The following DRC1 variants were observed in gnomAD, a reference collection of about 807,000 sequenced individuals.
DRC1 encodes dynein regulatory complex protein 1.
A neutral mutation model predicts 98.7 loss-of-function variants in DRC1; 74 were observed. That is an observed-to-expected ratio of 0.75 (90% CI 0.62 to 0.91). DRC1 has a LOEUF of 0.91. Among genes scored for constraint, DRC1 ranks in the 40% least tolerant of loss-of-function variants. The probability of loss-of-function intolerance (pLI) is 0.00; values close to 1 mark genes in which losing one functional copy is unlikely to be tolerated. For synonymous variants in DRC1, 336 were observed against 334.1 expected (o/e 1.01, Z -0.06); for missense variants, 875 against 886.0 (o/e 0.99, Z 0.16).
At position 26,453,417 on chromosome 2, in the gene DRC1, G is replaced by T. The variant is rs531953189; in HGVS notation, c.1787G>T (p.Gly596Val). Residue 596 changes from glycine to valine, a missense_variant, in exon 14 of 17, where the codon GGA (glycine) becomes GTA (valine). Coordinates refer to ENST00000288710, the MANE Select transcript of DRC1 (RefSeq NM_145038.5). ...LELAEQTEME[G>V]EKEESLVEGE... Reference sequence around the variant, plus strand: ...CTGGCAGAGCAGACGGAGATGGAGGGAGAAAAGGAAGAAAGCCTGGTGGAA... The same window carrying T: ...CTGGCAGAGCAGACGGAGATGGAGGTAGAAAAGGAAGAAAGCCTGGTGGAA... The T allele has an allele frequency of 5.6e-6, 9 of 1,614,198 alleles. No individual in the cohort carries two copies. The East Asian group carries it at 1.8e-4, about 32-fold the overall frequency.
At chr2:26,428,117 T>C (rs2147989710) in intron 4 of DRC1, among the ~76,000 whole-genome samples, 1 of 152,378 alleles carries the variant, frequency 6.6e-6, no homozygotes, top group Non-Finnish European at 1.5e-5. Flanking sequence ...TTTTTCTGCA[T>C]ATAAGATCAT....
intron 14 of DRC1, 26 bp downstream of exon 14, chr2:26,453,575 C>A (rs1379628844): frequency 6.2e-7 from 1 of 1,603,074 alleles, no homozygotes; most frequent in Admixed American, 1.7e-5. Context: ...GGAAGGCTTG[C>A]CTGAGACCAG....
At chr2:26,416,433 C>G (rs1489021127) in intron 2 of DRC1, among the ~76,000 whole-genome samples, 1 of 152,152 alleles carries the variant, frequency 6.6e-6, no homozygotes, top group Admixed American at 6.5e-5. Flanking sequence ...AGCCACCGTG[C>G]CCGGCCTTAC....
At chr2:26,406,846 C>G (rs1266291723) in intron 1 of DRC1, among the ~76,000 whole-genome samples, 3 of 110,910 alleles carry the variant, frequency 2.7e-5, no homozygotes, top group Non-Finnish European at 5.1e-5. Context: ...GAGACAGGGT[C>G]TCACTCTGTC....
At chr2:26,435,699 G>A (rs779984438) in intron 7 of DRC1, among the ~76,000 whole-genome samples, 1 of 151,456 alleles carries the variant, frequency 6.6e-6, no homozygotes, top group Non-Finnish European at 1.5e-5. Context: ...AGTTTGCTTA[G>A]GATAATAGCC....
chr2:26,420,769 T>C (rs1663117679), intron 2 of DRC1, among the ~76,000 whole-genome samples: 1 of 151,158 alleles, frequency 6.6e-6, no homozygotes, highest in African/African-American at 2.4e-5. Flanking sequence ...TCTTCTTCTT[T>C]TTTTTTTTTT....
intron 10 of DRC1, among the ~76,000 whole-genome samples, chr2:26,446,802 T>G (rs1663863108): frequency 6.6e-6 from 1 of 152,074 alleles, no homozygotes. Flanking sequence ...TATTTTAAAG[T>G]CACCTGGAGC....
At chr2:26,422,967 C>G (rs1004487180) in intron 3 of DRC1, among the ~76,000 whole-genome samples, 1 of 150,692 alleles carries the variant, frequency 6.6e-6, no homozygotes, top group African/African-American at 2.4e-5. Flanking sequence ...TTTGTCTCAT[C>G]ATATACACAC....
chr2:26,424,090 A>T (rs972853435), intron 3 of DRC1, among the ~76,000 whole-genome samples, 181 bp from the exon 4 acceptor site: 3 of 152,140 alleles, frequency 2.0e-5, no homozygotes, highest in Non-Finnish European at 4.4e-5. Context: ...GGCCTAAGTT[A>T]TTTACAGTCA....
At chr2:26,416,367 C>T (rs891238224) in intron 2 of DRC1, among the ~76,000 whole-genome samples, 1 of 152,124 alleles carries the variant, frequency 6.6e-6, no homozygotes, top group African/African-American at 2.4e-5. Context: ...GTCTTGATCT[C>T]TTGACCCAGT....
At chr2:26,405,205 C>A (rs984590856) in intron 1 of DRC1, among the ~76,000 whole-genome samples, 1 of 152,142 alleles carries the variant, frequency 6.6e-6, no homozygotes, top group East Asian at 1.9e-4. Context: ...TTGGTGAGCA[C>A]CTATGAGTTG....
At chr2:26,440,543 C>A in intron 8 of DRC1, 26 bp downstream of exon 8, 1 of 1,600,222 alleles carries the variant, frequency 6.2e-7, no homozygotes, top group Non-Finnish European at 8.5e-7. Context: ...GAGCGTCTTT[C>A]TTCTGGGCCT....
chr2:26,405,653 CTTTTTTTTTTTTT>C (rs10601492), intron 1 of DRC1, among the ~76,000 whole-genome samples: 1 of 53,564 alleles, frequency 1.9e-5, no homozygotes, highest in Non-Finnish European at 3.3e-5. Context: ...AAGGCTATAT[CTTTTTTTTTTTTT>C]TTTTTTTTTT....
chr2:26,434,304 AT>A (rs1663512268), intron 7 of DRC1, among the ~76,000 whole-genome samples: 1 of 152,314 alleles, frequency 6.6e-6, no homozygotes, highest in East Asian at 1.9e-4. Context: ...GCCTGTAAAC[AT>A]TGTGTACTTA....
chr2:26,404,054 C>T (rs1417270469), intron 1 of DRC1, among the ~76,000 whole-genome samples: 8 of 150,266 alleles, frequency 5.3e-5, no homozygotes, highest in African/African-American at 1.5e-4. Context: ...GAGCTGAGAT[C>T]GTGCCATTGC....
chr2:26,454,892 G>T lies in DRC1; in HGVS notation c.2063+102G>T. ...TGCCTCCCTGTCCCACTGAACCTGG[G>T]AGGGAAGAGCTGCCCTTGGCATCTC... On this transcript the variant is annotated intron_variant, in intron 15 of 16. Transcript: ENST00000288710. This position sits in a 1 kb window ranked among gnomAD's most constrained non-coding sequence, Gnocchi z 5.2. The T allele has an allele frequency of 6.4e-7, 1 of 1,570,340 alleles. No individual in the cohort carries two copies. The highest frequency in any genetic ancestry group is 2.2e-5 in the East Asian group (1 of 44,532).
intron 4 of DRC1, 89 bp downstream of exon 4, chr2:26,424,543 T>A: frequency 7.6e-7 from 1 of 1,314,564 alleles, no homozygotes; most frequent in East Asian, 2.4e-5. Context: ...AATGGAAAAA[T>A]GTAGAAACCT....
intron 7 of DRC1, among the ~76,000 whole-genome samples, chr2:26,439,579 A>T (rs939511058): frequency 6.6e-6 from 1 of 152,130 alleles, no homozygotes; most frequent in African/African-American, 2.4e-5. Context: ...GTTGCTAAAC[A>T]CTAACACTTC....
chr2:26,449,533 C>G (rs1663945750), intron 11 of DRC1, among the ~76,000 whole-genome samples: 1 of 152,254 alleles, frequency 6.6e-6, no homozygotes, highest in Admixed American at 6.5e-5. Context: ...CTCAGCCGCC[C>G]TCTCCCTTCC....
Sources: allele counts gnomAD v4.1 joint callset (sites outside exome capture counted in the v4.1 genomes callset), GRCh38; gene constraint gnomAD v4.1.1; non-coding constraint Gnocchi (gnomAD v3.1); transcripts MANE v1.5; gene names NCBI Gene and HGNC (gene_info 2026-07-23, HGNC 2026-07-21).